The following PDZRN4 variants were observed in gnomAD, a reference collection of about 807,000 sequenced individuals.
PDZRN4 encodes the protein PDZ domain containing ring finger 4.
Under a neutral mutation model 99.0 loss-of-function variants are expected in PDZRN4, and 70 were observed. The observed-to-expected ratio is 0.71, with a 90% CI of 0.58 to 0.86. The LOEUF (loss-of-function observed/expected upper bound fraction) is 0.86. PDZRN4 is among the 40% of genes least tolerant of loss of function. The probability of loss-of-function intolerance (pLI) is 0.00; values close to 1 mark genes in which losing one functional copy is unlikely to be tolerated. For synonymous variants in PDZRN4, 551 were observed against 501.6 expected, an observed-to-expected ratio of 1.10 and a Z score of -1.32; for missense variants, 1,474 against 1,331.2, an observed-to-expected ratio of 1.11 and a Z score of -1.67.
chr12:41,555,871 T>A, intron 7 of PDZRN4, 111 bp downstream of exon 7: 1 of 883,670 alleles, frequency 1.1e-6, no homozygotes, highest in Non-Finnish European at 1.8e-6. Flanking sequence ...TTTTGGATAC[T>A]AACATCTACA....
intron 3 of PDZRN4, among the ~76,000 whole-genome samples, chr12:41,398,403 A>G (rs1004717555): frequency 6.6e-6 from 1 of 152,172 alleles, no homozygotes; most frequent in East Asian, 1.9e-4. Context: ...AGACAAAAAA[A>G]AAAGTAGTTC....
chr12:41,209,936 T>C (rs1297782917), intron 3 of PDZRN4, among the ~76,000 whole-genome samples: 1 of 149,858 alleles, frequency 6.7e-6, no homozygotes, highest in African/African-American at 2.4e-5. Context: ...ACTTCCACAA[T>C]GGTTGAACTA....
chr12:41,459,929 GA>G (rs1476780120), intron 3 of PDZRN4: 1 of 1,261,980 alleles, frequency 7.9e-7, no homozygotes, highest in Admixed American at 2.8e-5. Flanking sequence ...GACTGAAGGA[GA>G]AAAAATGACC....
chr12:41,456,564 G>A (rs1382329935), intron 3 of PDZRN4, among the ~76,000 whole-genome samples: 1 of 152,178 alleles, frequency 6.6e-6, no homozygotes, highest in Admixed American at 6.5e-5. Context: ...TATCCCCAGT[G>A]CCTGGAATAG....
At chr12:41,228,738 G>A (rs1951011648) in intron 3 of PDZRN4, among the ~76,000 whole-genome samples, 1 of 152,042 alleles carries the variant, frequency 6.6e-6, no homozygotes, top group African/African-American at 2.4e-5. Context: ...CAGATTGACA[G>A]CTTCCTTTAA....
intron 3 of PDZRN4, among the ~76,000 whole-genome samples, chr12:41,344,564 C>A (rs77699800): frequency 0.058 from 8,814 of 150,916 alleles, 639 homozygotes; most frequent in East Asian, 0.18. Context: ...GAAAAAACAA[C>A]TTTCTTGCTT....
At chr12:41,466,751 G>GTT (rs61259671) in intron 3 of PDZRN4, among the ~76,000 whole-genome samples, 38,988 of 121,580 alleles carry the variant, frequency 0.32, 6,480 homozygotes, top group African/African-American at 0.48. Flanking sequence ...TATTTCCAGT[G>GTT]TTTTTTTTTT....
chr12:41,564,674 C>T (rs879636372), intron 8 of PDZRN4, among the ~76,000 whole-genome samples: 1 of 151,980 alleles, frequency 6.6e-6, no homozygotes, highest in Non-Finnish European at 1.5e-5. Flanking sequence ...ATAAAGTCTG[C>T]CATAGCCTGG....
chr12:41,227,597 G>A (rs1951002793), intron 3 of PDZRN4, among the ~76,000 whole-genome samples: 1 of 151,992 alleles, frequency 6.6e-6, no homozygotes. Flanking sequence ...CCCAGGAGGT[G>A]GAGGTTGCAG....
rs183858189 is a variant in PDZRN4 at position 41,282,882 on chromosome 12, A to G, written c.843+88694A>G. 5.3e-5 allele frequency among the ~76,000 whole-genome samples: 8 copies of G among 152,282 alleles called. No individual in the cohort carries two copies. The East Asian group carries it at 1.5e-3, about 29-fold the overall frequency. The stretch of plus-strand genomic sequence containing the variant: ...GGGACACAGCTAAAGCAGTGTTTGG[A>G]GGGAAATTTATAGCACTAAATGCCC... On this transcript the variant is annotated intron_variant, in intron 3 of 9. Coordinates refer to ENST00000402685, the MANE Select transcript of PDZRN4 (RefSeq NM_001164595.2).
chr12:41,501,459 T>G lies in PDZRN4; in HGVS notation c.844-4997T>G, dbSNP rs11180967. Among the ~76,000 whole-genome samples the G allele has an allele frequency of 6.5e-3, 983 of 152,250 alleles. 44 individuals carry two copies. The East Asian group carries it at 0.12, about 19-fold the overall frequency. On this transcript the variant is annotated intron_variant, in intron 3 of 9. Transcript: ENST00000402685. Reference sequence around the variant, plus strand: ...GGAAGTTATTGAAGAGTGGCCCAGATTTTGCAGTATATCCAAAAGGGTAGA... The same window carrying G: ...GGAAGTTATTGAAGAGTGGCCCAGAGTTTGCAGTATATCCAAAAGGGTAGA...
chr12:41,189,648 G>A (rs962339469), intron 1 of PDZRN4, among the ~76,000 whole-genome samples: 1 of 152,184 alleles, frequency 6.6e-6, no homozygotes, highest in Non-Finnish European at 1.5e-5. Context: ...GTTGGGGACT[G>A]TGAGGCACGT....
chr12:41,360,614 A>G (rs1951957184), intron 3 of PDZRN4, among the ~76,000 whole-genome samples: 1 of 152,090 alleles, frequency 6.6e-6, no homozygotes, highest in Non-Finnish European at 1.5e-5. Context: ...AGTGAGTTAT[A>G]TGGCTTATTT....
At chr12:41,447,803 A>G (rs1199555384) in intron 3 of PDZRN4, among the ~76,000 whole-genome samples, 7 of 152,110 alleles carry the variant, frequency 4.6e-5, no homozygotes, top group Admixed American at 4.6e-4. Flanking sequence ...TGTAAATACC[A>G]AATGTCCCAT....
rs539107245 is a variant in PDZRN4 at position 41,499,831 on chromosome 12, C to T, written c.844-6625C>T. On this transcript the variant is annotated intron_variant, in intron 3 of 9. Transcript: ENST00000402685. ...AAGCAACATACTGGACTATTGTGAC[C>T]TCAGTGTCACAATCTATTAACTAAA... is the stretch of plus-strand genomic sequence containing the variant. 3.3e-5 allele frequency among the ~76,000 whole-genome samples: 5 copies of T among 152,130 alleles called. No individual in the cohort carries two copies. In the South Asian group the frequency reaches 1.0e-3, roughly 32 times the overall value.
intron 3 of PDZRN4, among the ~76,000 whole-genome samples, chr12:41,473,108 T>C (rs755170492): frequency 7.2e-5 from 11 of 152,106 alleles, no homozygotes; most frequent in African/African-American, 1.4e-4. Context: ...TTTTATTTTT[T>C]AAGTAAAGCC....
At chr12:41,476,296 C>T (rs1953042379) in intron 3 of PDZRN4, among the ~76,000 whole-genome samples, 1 of 152,114 alleles carries the variant, frequency 6.6e-6, no homozygotes, top group African/African-American at 2.4e-5. Flanking sequence ...CATTTCCATG[C>T]TATGTATGCA....
intron 3 of PDZRN4, among the ~76,000 whole-genome samples, chr12:41,360,173 A>G (rs1951954577): frequency 6.6e-6 from 1 of 152,002 alleles, no homozygotes; most frequent in South Asian, 2.1e-4. Context: ...CCTAGCTATT[A>G]GCATAGCTAT....
intron 3 of PDZRN4, among the ~76,000 whole-genome samples, chr12:41,209,841 T>G (rs959738950): frequency 5.5e-4 from 83 of 150,150 alleles, no homozygotes; most frequent in African/African-American, 2.0e-3. Flanking sequence ...GCATGATTTA[T>G]AGTCCTTTGG....
Sources: gnomAD v4.1 joint callset for allele counts (sites outside exome capture counted in the v4.1 genomes callset) on GRCh38, gnomAD v4.1.1 for gene constraint, MANE v1.5 for transcripts, NCBI Gene and HGNC (gene_info 2026-07-23, HGNC 2026-07-21) for gene names.